VAV2: variants seen among roughly 807,000 people sequenced by gnomAD.
VAV2 encodes vav guanine nucleotide exchange factor 2, also known as guanine nucleotide exchange factor VAV2.
VAV2 carries 67 observed loss-of-function variants against 132.5 expected under a neutral mutation model. The ratio of observed to expected loss-of-function variants is 0.51; its 90% confidence interval spans 0.42 to 0.62. The LOEUF is 0.62. VAV2 is among the 20% of genes least tolerant of loss of function. The pLI is 0.00. For missense variants in VAV2, 938 were observed against 1,153.6 expected, an observed-to-expected ratio of 0.81 and a Z score of 2.71; for synonymous variants, 492 against 443.5, an observed-to-expected ratio of 1.11 and a Z score of -1.37.
rs1340207059 is a variant in VAV2 at position 133,926,016 on chromosome 9, A to C, written c.321+13087T>G. On this transcript the variant is annotated intron_variant, in intron 2 of 29. Transcript: ENST00000371850. The surrounding 1 kb of genome is among the most constrained non-coding windows in gnomAD (Gnocchi z 4.3). ...GACATGGACCAAAAAAAAAAAAAAA[A>C]AAAAAAAAAAAAGCATGCACCAGTT... 2.0e-5 allele frequency: 3 copies of C among 150,588 alleles called. No individual in the cohort carries two copies. Among genetic ancestry groups the C allele is most frequent in the South Asian group, 4.2e-4 (2 of 4,770 alleles). The allele number at this position is 150,588 out of a possible 1,614,324, so 9.3% of individuals were successfully genotyped here.
chr9:133,894,028 T>C (rs1191714675), intron 2 of VAV2, among the ~76,000 whole-genome samples: 1 of 152,154 alleles, frequency 6.6e-6, no homozygotes, highest in East Asian at 1.9e-4. Context: ...CCAAGCAGCA[T>C]GACATCCACC....
intron 2 of VAV2, among the ~76,000 whole-genome samples, chr9:133,898,283 C>G (rs1026204664): frequency 6.6e-6 from 1 of 152,118 alleles, no homozygotes; most frequent in Non-Finnish European, 1.5e-5. Context: ...CAACGCCAGA[C>G]CCTCAACAGA....
intron 2 of VAV2, among the ~76,000 whole-genome samples, chr9:133,861,730 G>A (rs572777580): frequency 1.3e-5 from 2 of 152,164 alleles, no homozygotes; most frequent in African/African-American, 4.8e-5. Flanking sequence ...TTTGTCAGGG[G>A]CTGCCAGAGG....
At chr9:133,774,295 G>A (rs72762819) in intron 25 of VAV2, among the ~76,000 whole-genome samples, 26,132 of 152,062 alleles carry the variant, frequency 0.17, 3,581 homozygotes, top group African/African-American at 0.38. Context: ...GCTCCTGGTC[G>A]GCAAGGCCCA....
At chr9:133,967,129 C>A (rs1415892338) in intron 1 of VAV2, among the ~76,000 whole-genome samples, 2 of 150,474 alleles carry the variant, frequency 1.3e-5, no homozygotes, top group Admixed American at 6.6e-5. Flanking sequence ...TCTCAAAAGA[C>A]ATACAAATGG....
chr9:133,835,489 G>A (rs1219369719), intron 3 of VAV2, among the ~76,000 whole-genome samples: 2 of 152,296 alleles, frequency 1.3e-5, no homozygotes, highest in African/African-American at 2.4e-5. Flanking sequence ...TCAACGCTAT[G>A]GGCCAAATCC....
At chr9:133,902,226 C>T (rs1343163291) in intron 2 of VAV2, among the ~76,000 whole-genome samples, 1 of 152,170 alleles carries the variant, frequency 6.6e-6, no homozygotes, top group Non-Finnish European at 1.5e-5. Context: ...GCATCTGCGT[C>T]GGACGTGTGA....
chr9:133,842,461 G>T (rs1036715199), intron 3 of VAV2, among the ~76,000 whole-genome samples: 3 of 152,260 alleles, frequency 2.0e-5, no homozygotes, highest in African/African-American at 7.2e-5. Flanking sequence ...CTGAGGCCAG[G>T]TGCGGCCAGC....
intron 29 of VAV2, among the ~76,000 whole-genome samples, chr9:133,765,645 G>T (rs1365748575): frequency 6.6e-6 from 1 of 152,234 alleles, no homozygotes; most frequent in Non-Finnish European, 1.5e-5. Context: ...CCAGGACCAG[G>T]AGAGAAGAGC....
At chr9:133,809,268 T>C (rs888145037) in intron 6 of VAV2, 130 bp from the exon 7 acceptor site, 1 of 696,342 alleles carries the variant, frequency 1.4e-6, no homozygotes, top group Non-Finnish European at 2.5e-6. Flanking sequence ...GGTCACTGAG[T>C]GTGCAGTGCT....
intron 25 of VAV2, among the ~76,000 whole-genome samples, chr9:133,773,351 G>A (rs571785421): frequency 1.3e-5 from 2 of 152,350 alleles, no homozygotes; most frequent in African/African-American, 2.4e-5. Context: ...ATCATGACTG[G>A]AGCTTGCAGG....
At chr9:133,807,957 G>A (rs1835215726) in intron 7 of VAV2, among the ~76,000 whole-genome samples, 2 of 152,298 alleles carry the variant, frequency 1.3e-5, no homozygotes, top group Admixed American at 6.5e-5. Context: ...GCAGCCAGCC[G>A]CTCTGCAGGC....
chr9:133,832,894 G>A (rs953778054), intron 4 of VAV2, among the ~76,000 whole-genome samples: 2 of 152,046 alleles, frequency 1.3e-5, no homozygotes, highest in African/African-American at 4.8e-5. Flanking sequence ...CCTGAGGCTG[G>A]TCAGGGTGGA....
rs1835041953 is a variant in VAV2, at chr9:133,804,034, A to T, written c.836+2047T>A. Among the ~76,000 whole-genome samples, 1 of 151,814 alleles carries T rather than the reference A, an allele frequency of 6.6e-6. No individual in the cohort carries two copies. Among genetic ancestry groups the T allele is most frequent in the South Asian group, 2.1e-4 (1 of 4,794 alleles). ...CCGCAGCTCCCCCCGGAGCTTCTCTATCTTGTCTTGGTTCTCATCCATCCC... is the reference window on the plus strand; with the variant it reads ...CCGCAGCTCCCCCCGGAGCTTCTCTTTCTTGTCTTGGTTCTCATCCATCCC... On this transcript the variant is annotated intron_variant, in intron 9 of 29. Coordinates refer to ENST00000371850, the MANE Select transcript of VAV2 (RefSeq NM_001134398.2). This position sits in a 1 kb window ranked among gnomAD's most constrained non-coding sequence, Gnocchi z 4.5.
intron 23 of VAV2, among the ~76,000 whole-genome samples, chr9:133,776,737 A>T (rs1374950589): frequency 6.6e-6 from 1 of 152,130 alleles, no homozygotes; most frequent in Non-Finnish European, 1.5e-5. Context: ...CCCTTTCAGC[A>T]GAGGTAGCAC....
intron 1 of VAV2, among the ~76,000 whole-genome samples, chr9:133,981,531 G>A (rs915056616): frequency 3.9e-5 from 6 of 152,230 alleles, no homozygotes; most frequent in African/African-American, 1.2e-4. Flanking sequence ...CGCCGGGCTC[G>A]GGGTGAGGGT....
chr9:133,960,541 A>T (rs1841933454), intron 1 of VAV2, among the ~76,000 whole-genome samples: 1 of 152,226 alleles, frequency 6.6e-6, no homozygotes, highest in African/African-American at 2.4e-5. Context: ...TCTCCGCTTA[A>T]TAGCGGCCGC....
chr9:133,903,078 G>GAAA (rs61131449), intron 2 of VAV2, among the ~76,000 whole-genome samples: 12,694 of 104,972 alleles, frequency 0.12, 733 homozygotes, highest in African/African-American at 0.17. Flanking sequence ...CCTGCCCCAG[G>GAAA]AAAAAAAAAA....
At chr9:133,872,398 G>A (rs1351763226) in intron 2 of VAV2, among the ~76,000 whole-genome samples, 1 of 152,218 alleles carries the variant, frequency 6.6e-6, no homozygotes, top group Admixed American at 6.5e-5. Flanking sequence ...GGCCAGGCTA[G>A]AGGAAAAGGG....
Sources: gnomAD v4.1 joint callset for allele counts (sites outside exome capture counted in the v4.1 genomes callset) on GRCh38, gnomAD v4.1.1 for gene constraint, Gnocchi (gnomAD v3.1) non-coding constraint, MANE v1.5 for transcripts, NCBI Gene and HGNC (gene_info 2026-07-23, HGNC 2026-07-21) for gene names.